ITGA1: variants seen among roughly 807,000 people sequenced by gnomAD.
The protein encoded by ITGA1 is integrin subunit alpha 1, also known as integrin alpha-1.
Under a neutral mutation model 145.9 loss-of-function variants are expected in ITGA1, and 85 were observed. The ratio of observed to expected loss-of-function variants is 0.58; its 90% CI spans 0.49 to 0.70. The LOEUF (loss-of-function observed/expected upper bound fraction) is 0.70, where lower values mean the gene tolerates loss of function less well. ITGA1 is among the 30% of genes least tolerant of loss of function. The pLI is 0.00. For synonymous variants in ITGA1, 520 were observed against 495.3 expected, an observed-to-expected ratio of 1.05 and a Z score of -0.66; for missense variants, 1,351 against 1,418.7, an observed-to-expected ratio of 0.95 and a Z score of 0.77.
At chr5:52,838,597 T>C (rs958332618) in intron 1 of ITGA1, among the ~76,000 whole-genome samples, 4 of 151,916 alleles carry the variant, frequency 2.6e-5, no homozygotes, top group Non-Finnish European at 5.9e-5. Flanking sequence ...ATATGGCAAA[T>C]AAAAAAAGAG....
chr5:52,808,217 G>GTAA (rs1748626407), intron 1 of ITGA1, among the ~76,000 whole-genome samples: 1 of 152,176 alleles, frequency 6.6e-6, no homozygotes, highest in African/African-American at 2.4e-5. Context: ...TCAAATAAAT[G>GTAA]TAATGTCTTT....
rs1335331602 is a variant in ITGA1 at position 52,911,101 on chromosome 5, TGTATATATA to T, written c.1857+690_1857+698del. ...TATAGTATATATAGTGTATATATAG[TGTATATATA>T]GTATATAGTGTATATATAGTTTATA... On this transcript the variant is annotated intron_variant, in intron 14 of 28. Transcript: ENST00000282588. Among the ~76,000 whole-genome samples, 1,165 of 135,146 alleles carry T rather than the reference TGTATATATA, an allele frequency of 8.6e-3. 13 individuals carry two copies. The highest frequency in any genetic ancestry group is 0.015 in the Non-Finnish European group (968 of 65,646). The allele number at this position is 135,146 out of a possible 152,430, so 88.7% of individuals were successfully genotyped here.
chr5:52,950,576 A>G (rs1453251720), intron 28 of ITGA1, among the ~76,000 whole-genome samples: 2 of 152,142 alleles, frequency 1.3e-5, no homozygotes, highest in African/African-American at 2.4e-5. Context: ...AACAAACTCT[A>G]TTGGTTTCAA....
intron 12 of ITGA1, among the ~76,000 whole-genome samples, chr5:52,907,927 T>C (rs974329669): frequency 1.3e-5 from 2 of 152,256 alleles, no homozygotes; most frequent in Admixed American, 6.5e-5. Context: ...CAAAAGTCAG[T>C]GTCTTTTGCC....
In ITGA1 at chr5:52,875,201, A is replaced by T. The variant is rs544305575; in HGVS notation, c.625-6672A>T. ...AAAGATATATATTTAACTTTATTTTACTCATTGTTTTCCAAGATTATTTGA... is the reference window on the plus strand; with the variant it reads ...AAAGATATATATTTAACTTTATTTTTCTCATTGTTTTCCAAGATTATTTGA... On this transcript the variant is annotated intron_variant, in intron 6 of 28. Transcript: ENST00000282588. Among the ~76,000 whole-genome samples, 415 of 152,132 alleles carry T rather than the reference A, an allele frequency of 2.7e-3. 7 individuals are homozygous for T. The highest frequency in any genetic ancestry group is 9.5e-3 in the African/African-American group (395 of 41,504).
At chr5:52,791,861 T>C (rs1449412218) in intron 1 of ITGA1, among the ~76,000 whole-genome samples, 2 of 152,212 alleles carry the variant, frequency 1.3e-5, no homozygotes, top group Non-Finnish European at 2.9e-5. Flanking sequence ...ATTTCATTTG[T>C]CCAAAGTTGA....
chr5:52,810,676 A>G (rs1455026349), intron 1 of ITGA1, among the ~76,000 whole-genome samples: 2 of 152,200 alleles, frequency 1.3e-5, no homozygotes, highest in African/African-American at 4.8e-5. Context: ...CATTAAATAC[A>G]CTAGTAGGTT....
intron 7 of ITGA1, among the ~76,000 whole-genome samples, chr5:52,882,228 C>T (rs1561236318): frequency 6.6e-6 from 1 of 152,086 alleles, no homozygotes; most frequent in Non-Finnish European, 1.5e-5. Context: ...TCTCTTGTTA[C>T]AAGGGTTTAA....
intron 1 of ITGA1, among the ~76,000 whole-genome samples, chr5:52,805,885 G>C (rs1001046695): frequency 6.6e-6 from 1 of 152,062 alleles, no homozygotes; most frequent in African/African-American, 2.4e-5. Flanking sequence ...CTTTCTTAAT[G>C]ATTTGAAAAT....
In ITGA1 at chr5:52,918,840, T is replaced by C; in HGVS notation, c.2097T>C (p.Asn699=). The C allele has an allele frequency of 6.2e-7, 1 of 1,611,406 alleles. No individual in the cohort carries two copies. Among genetic ancestry groups the C allele is most frequent in the South Asian group, 1.1e-5 (1 of 90,134 alleles). Residue 699 remains asparagine (N), a synonymous_variant, in exon 16 of 29, where the codon AAT becomes AAC. Coordinates refer to ENST00000282588, the MANE Select transcript of ITGA1 (RefSeq NM_181501.2). ...HMEGKETVCI[N]ATVCFDVKLK... The stretch of plus-strand genomic sequence containing the variant: ...AGGGAAAGGAAACAGTATGCATAAA[T>C]GCTACAGTGTGTTTTGATGTGAAAT...
At chr5:52,854,356 T>C (rs529245709) in intron 2 of ITGA1, among the ~76,000 whole-genome samples, 110 of 152,338 alleles carry the variant, frequency 7.2e-4, no homozygotes, top group African/African-American at 2.6e-3. Flanking sequence ...CAGATTTTAA[T>C]ATGCTTATTT....
chr5:52,912,194 AGT>A (rs1300651668), intron 14 of ITGA1, among the ~76,000 whole-genome samples: 4 of 143,844 alleles, frequency 2.8e-5, no homozygotes, highest in Admixed American at 1.4e-4. Flanking sequence ...CGCTATATAT[AGT>A]GTATCTAGTA....
At chr5:52,815,069 A>G (rs143280052) in intron 1 of ITGA1, among the ~76,000 whole-genome samples, 1 of 152,260 alleles carries the variant, frequency 6.6e-6, no homozygotes, top group East Asian at 1.9e-4. Flanking sequence ...TTGTTTTCCA[A>G]TCCAGCTGTC....
Position 52,887,844 on chromosome 5 carries a change from C to T in ITGA1, c.803C>T (p.Ala268Val), listed in dbSNP as rs748693277. The T allele has an allele frequency of 5.6e-6, 9 of 1,612,954 alleles. No individual in the cohort carries two copies. The Admixed American group carries it at 1.3e-4, about 24-fold the overall frequency. ...GAGGCATTCACGGAAGCCCGGGGTG[C>T]CCGAAGAGGAGTTAAAAAAGTCATG... Reference protein sequence around the residue: ...RKEAFTEARGARRGVKKVMVI... With the variant: ...RKEAFTEARGVRRGVKKVMVI... Residue 268 changes from alanine (A) to valine (V), a missense_variant, in exon 8 of 29, where the codon GCC (alanine) becomes GTC (valine). Physicochemically the swap from Ala to Val is moderately conservative, Grantham distance 64. Transcript: ENST00000282588.
chr5:52,939,772 A>G (rs1274656425), intron 25 of ITGA1, 68 bp from the exon 26 acceptor site: 1 of 1,444,740 alleles, frequency 6.9e-7, no homozygotes, highest in Non-Finnish European at 9.7e-7. Context: ...AACCATCTGA[A>G]GAATTTAAAT....
chr5:52,801,959 T>G, intron 1 of ITGA1: 1 of 701,128 alleles, frequency 1.4e-6, no homozygotes, highest in South Asian at 2.0e-5. Context: ...CAGGGATTTC[T>G]TATGTCTTTG....
chr5:52,843,823 T>G (rs1749294199), intron 1 of ITGA1, among the ~76,000 whole-genome samples: 3 of 152,192 alleles, frequency 2.0e-5, no homozygotes, highest in Admixed American at 2.0e-4. Context: ...TAATGCAACC[T>G]GGCTTTTGGC....
chr5:52,929,756 G>A (rs571043450), intron 21 of ITGA1, 55 bp downstream of exon 21: 19 of 941,118 alleles, frequency 2.0e-5, no homozygotes, highest in South Asian at 1.3e-4. Flanking sequence ...CTTCTTCTGT[G>A]TATGTCGAAT....
chr5:52,802,680 A>T (rs188458182), intron 1 of ITGA1: 3 of 152,124 alleles, frequency 2.0e-5, no homozygotes, highest in Non-Finnish European at 4.4e-5. Flanking sequence ...AAAACATGCT[A>T]TATTATTTAT....
Sources: gnomAD v4.1 joint callset for allele counts (sites outside exome capture counted in the v4.1 genomes callset) on GRCh38, gnomAD v4.1.1 for gene constraint, MANE v1.5 for transcripts, NCBI Gene and HGNC (gene_info 2026-07-23, HGNC 2026-07-21) for gene names.